UBASH3B: variants seen among roughly 807,000 people sequenced by gnomAD.
The protein encoded by UBASH3B is ubiquitin associated and SH3 domain containing B, also known as ubiquitin-associated and SH3 domain-containing protein B.
In UBASH3B, 37 loss-of-function variants were observed where a neutral mutation model predicts 83.4. The observed-to-expected ratio is 0.44, with a 90% CI of 0.34 to 0.58. The LOEUF (loss-of-function observed/expected upper bound fraction) is 0.58, where lower values mean the gene tolerates loss of function less well. Ranked by LOEUF, UBASH3B falls within the 20% of genes least tolerant of loss-of-function variation. The pLI is 0.01. For synonymous variants in UBASH3B, 304 were observed against 318.3 expected (o/e 0.96, Z 0.48); for missense variants, 657 against 827.2 (o/e 0.79, Z 2.52).
At chr11:122,808,264 ATG>A in intron 13 of UBASH3B, 88 bp downstream of exon 13, 1 of 1,028,914 alleles carries the variant, frequency 9.7e-7, no homozygotes, top group Non-Finnish European at 1.5e-6. Flanking sequence ...TCTTTGAAGC[ATG>A]TGTTTATGCT....
chr11:122,770,161 C>T (rs776921916), intron 1 of UBASH3B, among the ~76,000 whole-genome samples: 3 of 152,206 alleles, frequency 2.0e-5, no homozygotes, highest in African/African-American at 4.8e-5. Context: ...CCTACCGCCA[C>T]GCATGTGAGT....
rs778970593 is a variant in UBASH3B, at chr11:122,799,073, CT to C, written c.1450+40del. 2.7e-4 allele frequency: 419 copies of C among 1,546,222 alleles called. 1 individual carries two copies. Among genetic ancestry groups the C allele is most frequent in the South Asian group, 1.6e-3 (143 of 89,538 alleles). On this transcript the variant is annotated intron_variant, in intron 10 of 13. Transcript: ENST00000284273. ...GTTGACAAAAACAAGTAGTCCATCC[CT>C]CTCTTTCTAGGCAGCCCCACACATA... is the stretch of plus-strand genomic sequence containing the variant.
At chr11:122,685,823 A>G (rs1362818720) in intron 1 of UBASH3B, among the ~76,000 whole-genome samples, 1 of 151,942 alleles carries the variant, frequency 6.6e-6, no homozygotes, top group Non-Finnish European at 1.5e-5. Context: ...CCCGGCCAGC[A>G]CCTCTCATTT....
At chr11:122,678,380 A>G (rs568128369) in intron 1 of UBASH3B, among the ~76,000 whole-genome samples, 160 of 152,210 alleles carry the variant, frequency 1.1e-3, no homozygotes, top group Middle Eastern at 0.01. Context: ...TTGTGGCTGC[A>G]CTCAGCCTAG....
chr11:122,779,692 A>C lies in UBASH3B; in HGVS notation c.598A>C (p.Thr200Pro). The change falls in exon 4 of 14, where the codon ACC (threonine) becomes CCC (proline). Residue 200 changes from threonine (T) to proline (P), a missense_variant. Physicochemically the swap from Thr to Pro is conservative, Grantham distance 38 (BLOSUM62 -1). Coordinates refer to ENST00000284273, the MANE Select transcript of UBASH3B (RefSeq NM_032873.5). ...ADFAAEAASK[T>P]EVHVEPHKKQ... ...CTTTGCTGCAGAGGCTGCATCCAAA[A>C]CCGGTGAGCAAACAGCTGCCAGGCC... is the stretch of plus-strand genomic sequence containing the variant. 1 of 1,614,122 alleles carries C rather than the reference A, an allele frequency of 6.2e-7. No homozygotes were observed. Among genetic ancestry groups the C allele is most frequent in the South Asian group, 1.1e-5 (1 of 91,068 alleles).
At chr11:122,688,986 G>A (rs12416795) in intron 1 of UBASH3B, among the ~76,000 whole-genome samples, 100,391 of 146,938 alleles carry the variant, frequency 0.68, 38,104 homozygotes, top group Admixed American at 0.83. Context: ...GGCGGGGGGG[G>A]GGGGGGTTCC....
chr11:122,774,838 T>C (rs945195047), intron 1 of UBASH3B, among the ~76,000 whole-genome samples: 1 of 152,144 alleles, frequency 6.6e-6, no homozygotes, highest in Non-Finnish European at 1.5e-5. Context: ...CCAGGTGTTT[T>C]CCACATCAAC....
intron 1 of UBASH3B, among the ~76,000 whole-genome samples, chr11:122,721,244 C>CA (rs34298191): frequency 0.019 from 1,420 of 72,850 alleles, 24 homozygotes; most frequent in Middle Eastern, 0.026. Context: ...GACTGTGTCT[C>CA]AAAAAAAAAA....
At chr11:122,809,321 C>T (rs758444520) in intron 13 of UBASH3B, among the ~76,000 whole-genome samples, 1 of 152,170 alleles carries the variant, frequency 6.6e-6, no homozygotes, top group African/African-American at 2.4e-5. Flanking sequence ...GTGACCCGCC[C>T]GCCTCGGCCT....
At chr11:122,730,964 C>A (rs533060722) in intron 1 of UBASH3B, among the ~76,000 whole-genome samples, 2 of 152,332 alleles carry the variant, frequency 1.3e-5, no homozygotes, top group Admixed American at 6.5e-5. Flanking sequence ...GACAGTGGAA[C>A]CTTCACTACT....
intron 1 of UBASH3B, among the ~76,000 whole-genome samples, chr11:122,699,368 C>A (rs1864004511): frequency 6.6e-6 from 1 of 152,288 alleles, no homozygotes; most frequent in African/African-American, 2.4e-5. Context: ...TCTTAGGAAG[C>A]TGCTATGTGT....
chr11:122,735,917 A>T (rs1860924917), intron 1 of UBASH3B, among the ~76,000 whole-genome samples: 1 of 152,196 alleles, frequency 6.6e-6, no homozygotes, highest in African/African-American at 2.4e-5. Context: ...TTTTACCTGT[A>T]GGTAACAGGG....
At chr11:122,778,356 C>A (rs1220666265) in intron 3 of UBASH3B, among the ~76,000 whole-genome samples, 1 of 152,078 alleles carries the variant, frequency 6.6e-6, no homozygotes, top group East Asian at 1.9e-4. Flanking sequence ...GACGTTCATT[C>A]TTTTTTCCAA....
At chr11:122,690,595 T>C (rs923485081) in intron 1 of UBASH3B, among the ~76,000 whole-genome samples, 12 of 152,088 alleles carry the variant, frequency 7.9e-5, no homozygotes, top group Non-Finnish European at 1.6e-4. Context: ...GTCCCAAGCA[T>C]CCCTTGCCAA....
At chr11:122,667,292 C>T (rs1475576559) in intron 1 of UBASH3B, among the ~76,000 whole-genome samples, 5 of 151,990 alleles carry the variant, frequency 3.3e-5, no homozygotes, top group African/African-American at 4.8e-5. Context: ...GGTGATCACC[C>T]GCCTCAGCCT....
At chr11:122,739,341 A>G (rs965766955) in intron 1 of UBASH3B, among the ~76,000 whole-genome samples, 6 of 152,328 alleles carry the variant, frequency 3.9e-5, no homozygotes, top group Middle Eastern at 3.4e-3. Flanking sequence ...GAATTTTAAT[A>G]GAGAGCAAAA....
At chr11:122,796,361 A>C (rs1009753971) in intron 8 of UBASH3B, 85 bp downstream of exon 8, 1 of 1,550,730 alleles carries the variant, frequency 6.4e-7, no homozygotes, top group Non-Finnish European at 8.7e-7. Context: ...ATCTAGATGG[A>C]GTCATTCATA....
intron 1 of UBASH3B, among the ~76,000 whole-genome samples, chr11:122,683,107 C>T (rs1036791425): frequency 1.3e-5 from 2 of 151,828 alleles, no homozygotes; most frequent in South Asian, 2.1e-4. Flanking sequence ...GTTACCCAGG[C>T]GCATGGTGGT....
intron 3 of UBASH3B, among the ~76,000 whole-genome samples, chr11:122,777,788 A>T (rs994335000): frequency 6.6e-6 from 1 of 152,160 alleles, no homozygotes; most frequent in Non-Finnish European, 1.5e-5. Context: ...GGAGTGCAGC[A>T]GCATGATCTC....
Sources: gnomAD v4.1 joint callset for allele counts (sites outside exome capture counted in the v4.1 genomes callset) on GRCh38, gnomAD v4.1.1 for gene constraint, MANE v1.5 for transcripts, NCBI Gene and HGNC (gene_info 2026-07-23, HGNC 2026-07-21) for gene names.